Variants in PTPRJ observed in about 807,000 individuals in gnomAD.
The protein encoded by PTPRJ is receptor-type tyrosine-protein phosphatase eta.
PTPRJ carries 129 observed loss-of-function variants against 141.3 expected under a neutral mutation model. The observed-to-expected ratio is 0.91, with a 90% confidence interval of 0.79 to 1.06. PTPRJ has a LOEUF of 1.06. PTPRJ is among the 50% of genes least tolerant of loss of function. The pLI is 0.00. For synonymous variants in PTPRJ, 610 were observed against 640.5 expected (o/e 0.95, Z 0.72); for missense variants, 1,601 against 1,679.7 (o/e 0.95, Z 0.82).
chr11:48,081,210 G>A (rs183667187), intron 1 of PTPRJ, among the ~76,000 whole-genome samples: 32 of 152,270 alleles, frequency 2.1e-4, no homozygotes, highest in Admixed American at 1.7e-3. Flanking sequence ...AAAATAGCAC[G>A]CCATTCATTT....
chr11:48,149,340 AGG>A, intron 15 of PTPRJ, 105 bp from the exon 16 acceptor site: 1 of 763,264 alleles, frequency 1.3e-6, no homozygotes, highest in Non-Finnish European at 2.2e-6. Flanking sequence ...CCTGAGGAAA[AGG>A]TGTAACACCT....
intron 1 of PTPRJ, among the ~76,000 whole-genome samples, chr11:47,997,122 G>T (rs1854358276): frequency 6.6e-6 from 1 of 152,220 alleles, no homozygotes; most frequent in Non-Finnish European, 1.5e-5. Context: ...TGTTTTGGGA[G>T]GCTGTCCTGT....
At chr11:48,105,428 C>T (rs1856263712) in intron 1 of PTPRJ, among the ~76,000 whole-genome samples, 1 of 152,128 alleles carries the variant, frequency 6.6e-6, no homozygotes, top group Non-Finnish European at 1.5e-5. Flanking sequence ...GGAGCAGTCA[C>T]AGGAAGTCAC....
At chr11:47,984,885 G>C (rs11039481) in intron 1 of PTPRJ, among the ~76,000 whole-genome samples, 3 of 125,118 alleles carry the variant, frequency 2.4e-5, no homozygotes, top group Non-Finnish European at 5.0e-5. Context: ...ATGAAGTCTA[G>C]CTCTGTTGCC....
chr11:48,001,811 A>G (rs1854507363), intron 1 of PTPRJ, among the ~76,000 whole-genome samples: 1 of 152,202 alleles, frequency 6.6e-6, no homozygotes, highest in Non-Finnish European at 1.5e-5. Context: ...TCAGAGTGTT[A>G]GGTAGGACTT....
At chr11:48,083,674 A>C (rs1855625011) in intron 1 of PTPRJ, among the ~76,000 whole-genome samples, 1 of 152,240 alleles carries the variant, frequency 6.6e-6, no homozygotes, top group Non-Finnish European at 1.5e-5. Context: ...GCATGAGGTC[A>C]GGACATTGTT....
intron 21 of PTPRJ, among the ~76,000 whole-genome samples, chr11:48,156,575 GGTTTTTTTTTTTTT>G (rs1565332054): frequency 2.4e-5 from 3 of 123,544 alleles, no homozygotes; most frequent in Admixed American, 1.7e-4. Flanking sequence ...TCCACCCCAG[GGTTTTTTTTTTTTT>G]TTTTTTTTTT....
intron 1 of PTPRJ, among the ~76,000 whole-genome samples, chr11:48,027,334 A>T (rs1853844346): frequency 6.6e-6 from 1 of 152,010 alleles, no homozygotes; most frequent in Non-Finnish European, 1.5e-5. Flanking sequence ...ATAGCCAGAA[A>T]GGGCTGAGGA....
At position 48,164,558 on chromosome 11, in the gene PTPRJ, A is replaced by ATTTTTTTTTT. The variant is rs60806872; in HGVS notation, c.3855+60_3855+69dup. On this transcript the variant is annotated intron_variant, in intron 24 of 24. Transcript: ENST00000418331. The stretch of plus-strand genomic sequence containing the variant: ...ATTTGACATTCCACCCTTCCCCTCC[A>ATTTTTTTTTT]TTTTTTTTTTTTTTTTTTTTTTTTT... 16 of 774,340 alleles carry ATTTTTTTTTT rather than the reference A, an allele frequency of 2.1e-5. 2 individuals are homozygous for ATTTTTTTTTT. The highest frequency in any genetic ancestry group is 2.1e-5 in the Non-Finnish European group (13 of 613,888). The allele number at this position is 774,340 out of a possible 1,614,324, so 48.0% of individuals were successfully genotyped here.
chr11:48,071,473 C>G (rs902042718), intron 1 of PTPRJ, among the ~76,000 whole-genome samples: 1 of 150,852 alleles, frequency 6.6e-6, no homozygotes, highest in Admixed American at 6.6e-5. Flanking sequence ...CCTGCCACCA[C>G]GCCCGGCTAA....
chr11:47,993,904 C>T (rs912200867), intron 1 of PTPRJ, among the ~76,000 whole-genome samples: 1 of 151,804 alleles, frequency 6.6e-6, no homozygotes, highest in Non-Finnish European at 1.5e-5. Context: ...TCTTGGCCCA[C>T]TGCAAGCTCT....
rs534521521 is a variant in PTPRJ, at chr11:48,080,576, A to C, written c.97-29482A>C. On this transcript the variant is annotated intron_variant, in intron 1 of 24. Transcript: ENST00000418331. The stretch of plus-strand genomic sequence containing the variant: ...CATTCTCGGTTTCTGTTCATTCATC[A>C]GATGTGCACTGAGTACCTGCAAGAA... Among the ~76,000 whole-genome samples the C allele has an allele frequency of 8.5e-5, 13 of 152,326 alleles. No individual in the cohort carries two copies. In the East Asian group the frequency reaches 1.5e-3, roughly 18 times the overall value.
intron 1 of PTPRJ, among the ~76,000 whole-genome samples, chr11:47,998,949 T>C (rs1047373065): frequency 2.6e-5 from 4 of 152,204 alleles, no homozygotes; most frequent in Non-Finnish European, 4.4e-5. Context: ...AAACATGTGA[T>C]CTTATGGTCT....
chr11:47,994,383 C>T (rs767338965), intron 1 of PTPRJ, among the ~76,000 whole-genome samples: 10 of 151,972 alleles, frequency 6.6e-5, no homozygotes, highest in Non-Finnish European at 1.2e-4. Flanking sequence ...GGCCGGGCAC[C>T]GTGGCTCATA....
chr11:47,995,683 T>C (rs1854316043), intron 1 of PTPRJ, among the ~76,000 whole-genome samples: 1 of 152,190 alleles, frequency 6.6e-6, no homozygotes. Context: ...TGTAAATTAT[T>C]TGGGATTTCA....
At position 48,170,367 on chromosome 11, in the gene PTPRJ, AT is replaced by A. The variant is rs1164780172; in HGVS notation, c.*3007del. On this transcript the variant is annotated 3_prime_UTR_variant, in exon 25 of 25. Transcript: ENST00000418331. ...TGACCTCCAGCCAGACTTCCGCCTAATTGACTCCACTGGATTTGTGCTCTGT... is the reference window on the plus strand; with the variant it reads ...TGACCTCCAGCCAGACTTCCGCCTAATGACTCCACTGGATTTGTGCTCTGT... 1 of 150,538 alleles carries A rather than the reference AT, an allele frequency of 6.6e-6. No homozygotes were observed. The highest frequency in any genetic ancestry group is 1.5e-5 in the Non-Finnish European group (1 of 67,772). The allele number at this position is 150,538 out of a possible 1,614,324, so 9.3% of individuals were successfully genotyped here.
chr11:48,107,034 G>T (rs1856308805), intron 1 of PTPRJ, among the ~76,000 whole-genome samples: 1 of 152,066 alleles, frequency 6.6e-6, no homozygotes, highest in South Asian at 2.1e-4. Context: ...CTCACAAAGT[G>T]CTGGGATTAC....
At chr11:48,023,503 G>T (rs989608974) in intron 1 of PTPRJ, among the ~76,000 whole-genome samples, 2 of 152,048 alleles carry the variant, frequency 1.3e-5, no homozygotes, top group Non-Finnish European at 2.9e-5. Context: ...GAATTTACCG[G>T]CCGGGTGCGG....
chr11:48,023,212 C>T lies in PTPRJ; in HGVS notation c.96+42204C>T, dbSNP rs1853705274. ...TTTAGTTTGCTGGAAGTCTCTGCAGCCTGAACAAAACAGCTGTTAGGTTTG... is the reference window on the plus strand; with the variant it reads ...TTTAGTTTGCTGGAAGTCTCTGCAGTCTGAACAAAACAGCTGTTAGGTTTG... On this transcript the variant is annotated intron_variant, in intron 1 of 24. Coordinates refer to ENST00000418331, the MANE Select transcript of PTPRJ (RefSeq NM_002843.4). Among the ~76,000 whole-genome samples, 3 of 152,148 alleles carry T rather than the reference C, an allele frequency of 2.0e-5. 1 individual carries two copies. The South Asian group carries it at 6.2e-4, about 32-fold the overall frequency.
Sources: allele counts gnomAD v4.1 joint callset (sites outside exome capture counted in the v4.1 genomes callset), GRCh38; gene constraint gnomAD v4.1.1; transcripts MANE v1.5; gene names NCBI Gene and HGNC (gene_info 2026-07-23, HGNC 2026-07-21).